Variants in SLC36A1 observed in about 807,000 individuals in gnomAD.
SLC36A1 encodes solute carrier family 36 member 1.
In SLC36A1, 30 loss-of-function variants were observed where a neutral mutation model predicts 47.5. The ratio of observed to expected loss-of-function variants is 0.63; its 90% CI spans 0.47 to 0.86. The LOEUF is 0.86. Ranked by LOEUF, SLC36A1 falls within the 40% of genes least tolerant of loss-of-function variation. The pLI is 0.00. For missense variants in SLC36A1, 517 were observed against 606.0 expected, an observed-to-expected ratio of 0.85 and a Z score of 1.54; for synonymous variants, 255 against 249.7, an observed-to-expected ratio of 1.02 and a Z score of -0.20.
At chr5:151,532,093 T>A in the SLC36A1 span, 1 of 1,313,368 alleles carries the variant, frequency 7.6e-7, no homozygotes, top group Non-Finnish European at 1.1e-6. Context: ...CAAGCTGGCT[T>A]GGGTATATGA....
chr5:151,461,086 C>T (rs1229311717), intron 2 of SLC36A1, among the ~76,000 whole-genome samples: 1 of 151,652 alleles, frequency 6.6e-6, no homozygotes, highest in Admixed American at 6.6e-5. Context: ...CTCCTGGGCT[C>T]AAGTGATCCT....
At chr5:151,545,521 G>A in the SLC36A1 span, 12 of 1,614,064 alleles carry the variant, frequency 7.4e-6, no homozygotes, top group South Asian at 7.7e-5. Context: ...GAATCTGGGA[G>A]GGGAATCATT....
At chr5:151,437,351 T>G (rs1294129188) in intron 1 of SLC36A1, among the ~76,000 whole-genome samples, 2 of 152,214 alleles carry the variant, frequency 1.3e-5, no homozygotes, top group Non-Finnish European at 2.9e-5. Context: ...ATGTTTAAAC[T>G]ATGATTTATT....
At chr5:151,450,844 T>A (rs1439754297) in intron 1 of SLC36A1, 3 of 152,214 alleles carry the variant, frequency 2.0e-5, no homozygotes, top group Non-Finnish European at 4.4e-5. Context: ...CATGACTGAT[T>A]AGCATTACTC....
chr5:151,544,472 C>T, the SLC36A1 span: 1 of 1,614,112 alleles, frequency 6.2e-7, no homozygotes, highest in Non-Finnish European at 8.5e-7. Context: ...GTCTTGAAGT[C>T]AGTGGTGAAC....
chr5:151,412,278 G>T, the SLC36A1 span, among the ~76,000 whole-genome samples: 1 of 144,610 alleles, frequency 6.9e-6, no homozygotes, highest in South Asian at 2.5e-4. Context: ...TATAAACATG[G>T]GGAAAAATTA....
chr5:151,527,180 AG>A, the SLC36A1 span: 1 of 1,533,456 alleles, frequency 6.5e-7, no homozygotes, highest in Non-Finnish European at 8.8e-7. Flanking sequence ...ATCTTCTGCT[AG>A]AAGGGAAATG....
At chr5:151,525,769 T>C in the SLC36A1 span, 7 of 1,614,194 alleles carry the variant, frequency 4.3e-6, no homozygotes, top group Non-Finnish European at 5.9e-6. Context: ...AGCTCTCACC[T>C]GGATCTGAAG....
intron 7 of SLC36A1, among the ~76,000 whole-genome samples, chr5:151,468,271 A>G (rs1466592018): frequency 1.1e-5 from 1 of 90,100 alleles, no homozygotes; most frequent in Non-Finnish European, 2.1e-5. Flanking sequence ...AAAAAAATAT[A>G]TATATATATA....
chr5:151,531,664 C>T, the SLC36A1 span: 1 of 1,613,728 alleles, frequency 6.2e-7, no homozygotes, highest in Non-Finnish European at 8.5e-7. This position sits in a 1 kb window ranked among gnomAD's most constrained non-coding sequence, Gnocchi z 5.7. Context: ...TGCGCCCGGG[C>T]GAGTGAGGGT....
chr5:151,524,974 T>C, the SLC36A1 span, among the ~76,000 whole-genome samples: 1 of 152,224 alleles, frequency 6.6e-6, no homozygotes, highest in Non-Finnish European at 1.5e-5. Context: ...TCTTTCTTTA[T>C]CTGTTTATTG....
At chr5:151,353,138 G>A in the SLC36A1 span, among the ~76,000 whole-genome samples, 1 of 152,196 alleles carries the variant, frequency 6.6e-6, no homozygotes, top group Non-Finnish European at 1.5e-5. Flanking sequence ...AAACATATGT[G>A]TTGAAAACCA....
upstream of SLC36A1, among the ~76,000 whole-genome samples, chr5:151,447,309 G>A (rs148425305): frequency 6.6e-6 from 1 of 152,236 alleles, no homozygotes; most frequent in Non-Finnish European, 1.5e-5. Flanking sequence ...CAAACTCATC[G>A]AGATGTGTAA....
chr5:151,505,941 C>T, the SLC36A1 span: 1 of 1,581,548 alleles, frequency 6.3e-7, no homozygotes, highest in Non-Finnish European at 8.6e-7. Flanking sequence ...GAAGGGGAAG[C>T]CCCCATAGAG....
chr5:151,498,141 C>T, the SLC36A1 span, among the ~76,000 whole-genome samples: 4 of 152,008 alleles, frequency 2.6e-5, no homozygotes, highest in Non-Finnish European at 5.9e-5. Context: ...GACGGGGTTT[C>T]ACCATGTTGG....
At chr5:151,546,295 A>G in the SLC36A1 span, 1 of 1,614,018 alleles carries the variant, frequency 6.2e-7, no homozygotes, top group Non-Finnish European at 8.5e-7. Context: ...TAGAGTAATG[A>G]TGCCTAGCAG....
the SLC36A1 span, among the ~76,000 whole-genome samples, chr5:151,357,980 A>G: frequency 1.3e-5 from 2 of 152,248 alleles, no homozygotes; most frequent in African/African-American, 2.4e-5. Flanking sequence ...TCCAGGCTGC[A>G]TTGTGGTCAG....
At chr5:151,390,539 C>T in the SLC36A1 span, among the ~76,000 whole-genome samples, 4 of 151,984 alleles carry the variant, frequency 2.6e-5, no homozygotes, top group South Asian at 2.1e-4. Flanking sequence ...TATGGTTTTA[C>T]GTCTAACATT....
chr5:151,450,109 T>C (rs1350319569), intron 1 of SLC36A1, among the ~76,000 whole-genome samples: 1 of 152,168 alleles, frequency 6.6e-6, no homozygotes, highest in Non-Finnish European at 1.5e-5. Context: ...GGAGCAGATG[T>C]CCACTTATTA....
Sources: allele counts gnomAD v4.1 joint callset (sites outside exome capture counted in the v4.1 genomes callset), GRCh38; gene constraint gnomAD v4.1.1; non-coding constraint Gnocchi (gnomAD v3.1); transcripts MANE v1.5; gene names NCBI Gene and HGNC (gene_info 2026-07-23, HGNC 2026-07-21).